Variants in CLEC16A observed in about 807,000 individuals in gnomAD.
CLEC16A encodes the protein protein CLEC16A.
In CLEC16A, 51 loss-of-function variants were observed where a neutral mutation model predicts 109.5. The observed-to-expected ratio is 0.47, with a 90% CI of 0.37 to 0.59. The LOEUF (loss-of-function observed/expected upper bound fraction) is 0.59. CLEC16A is among the 20% of genes least tolerant of loss of function. The pLI is 0.00. For missense variants in CLEC16A, 1,339 were observed against 1,394.0 expected (o/e 0.96, Z 0.63); for synonymous variants, 673 against 564.2 (o/e 1.19, Z -2.73).
intron 9 of CLEC16A, among the ~76,000 whole-genome samples, chr16:10,980,808 TA>T (rs1282287541): frequency 6.6e-6 from 1 of 152,184 alleles, no homozygotes; most frequent in Non-Finnish European, 1.5e-5. Flanking sequence ...AAATGTGACC[TA>T]AATGTGTGAA....
chr16:11,025,412 A>G (rs565826190), intron 13 of CLEC16A, among the ~76,000 whole-genome samples: 1 of 152,164 alleles, frequency 6.6e-6, no homozygotes, highest in Non-Finnish European at 1.5e-5. Context: ...GGCTTCCCCT[A>G]TTAAGGCTAC....
intron 19 of CLEC16A, among the ~76,000 whole-genome samples, chr16:11,075,060 C>T (rs905098204): frequency 5.9e-5 from 9 of 152,134 alleles, no homozygotes; most frequent in East Asian, 1.9e-4. Flanking sequence ...CACTGCACTC[C>T]GGCCTGGGCA....
rs143809742 is a variant in CLEC16A, at chr16:11,129,431, T to C, written c.2641+3285T>C. 5.0e-3 allele frequency among the ~76,000 whole-genome samples: 759 copies of C among 152,388 alleles called. 2 individuals are homozygous for C. The highest frequency in any genetic ancestry group is 0.01 in the Middle Eastern group (3 of 294). ...TAGAAGACATCTGGATTCTCCTCTT[T>C]GCTTCTGTTTTCTGTCTGTTGTGAT... is the stretch of plus-strand genomic sequence containing the variant. On this transcript the variant is annotated intron_variant, in intron 22 of 23. Transcript: ENST00000409790.
intron 19 of CLEC16A, among the ~76,000 whole-genome samples, chr16:11,077,246 G>A (rs1480299371): frequency 6.6e-6 from 1 of 152,026 alleles, no homozygotes; most frequent in Admixed American, 6.5e-5. Context: ...GAGGCGAGCG[G>A]ATTGCCTGAA....
At chr16:10,959,784 A>AT (rs966193896) in intron 2 of CLEC16A, among the ~76,000 whole-genome samples, 33 of 141,852 alleles carry the variant, frequency 2.3e-4, no homozygotes, top group African/African-American at 3.4e-4. Context: ...GAATGGACTT[A>AT]TTTTTTTTTT....
rs1455441936 is a variant in CLEC16A, at chr16:10,962,509, G to A, written c.264G>A (p.Lys88=). The A allele has an allele frequency of 6.2e-7, 1 of 1,613,842 alleles. No homozygotes were observed. The highest frequency in any genetic ancestry group is 1.3e-5 in the African/African-American group (1 of 74,912). ...TCTTCTTGAACATCTTGCGGCAAAA[G>A]TCGGGCCGTTACGTGTGCGTTCAGC... ...FVFFLNILRQ[K]SGRYVCVQLL... Residue 88 remains lysine (K), a synonymous_variant, in exon 3 of 24, where the codon AAG becomes AAA. Coordinates refer to ENST00000409790, the MANE Select transcript of CLEC16A (RefSeq NM_015226.3).
At chr16:11,120,012 C>A (rs2052286126) in intron 19 of CLEC16A, among the ~76,000 whole-genome samples, 1 of 151,860 alleles carries the variant, frequency 6.6e-6, no homozygotes, top group Admixed American at 6.6e-5. Flanking sequence ...CTCTTATTGC[C>A]CAGGTTGGAG....
intron 10 of CLEC16A, among the ~76,000 whole-genome samples, chr16:10,984,080 G>A (rs1434980129): frequency 6.6e-6 from 1 of 152,162 alleles, no homozygotes; most frequent in Admixed American, 6.5e-5. Context: ...GCAGCCAGGT[G>A]CTCAGGCAGT....
At chr16:11,126,334 C>A in intron 22 of CLEC16A, 188 bp downstream of exon 22, 1 of 1,483,684 alleles carries the variant, frequency 6.7e-7, no homozygotes, top group Non-Finnish European at 9.0e-7. Context: ...TAAATTTTGG[C>A]TTTCCCTTTA....
intron 2 of CLEC16A, among the ~76,000 whole-genome samples, chr16:10,959,713 T>A (rs1442704560): frequency 6.6e-6 from 1 of 151,556 alleles, no homozygotes; most frequent in Non-Finnish European, 1.5e-5. Flanking sequence ...TTTTTAAATA[T>A]CTTTTTGGAA....
chr16:11,021,163 G>C (rs187031435), intron 12 of CLEC16A, among the ~76,000 whole-genome samples: 3 of 152,324 alleles, frequency 2.0e-5, no homozygotes, highest in Admixed American at 6.5e-5. Flanking sequence ...CCAACTTCAA[G>C]TGAAGATGTG....
chr16:11,026,905 C>G (rs552529060), intron 13 of CLEC16A: 3 of 846,594 alleles, frequency 3.5e-6, no homozygotes, highest in African/African-American at 3.3e-5. Flanking sequence ...TAAGTGAACG[C>G]TGACTGGGTC....
intron 1 of CLEC16A, among the ~76,000 whole-genome samples, chr16:10,945,155 C>G (rs558852799): frequency 6.6e-6 from 1 of 152,176 alleles, no homozygotes; most frequent in African/African-American, 2.4e-5. Context: ...GGTCAAAGGC[C>G]TGGGTCCTGG....
intron 19 of CLEC16A, among the ~76,000 whole-genome samples, chr16:11,069,080 G>A (rs1266914533): frequency 6.7e-6 from 1 of 150,018 alleles, no homozygotes; most frequent in Non-Finnish European, 1.5e-5. Flanking sequence ...TAGTCCGCCT[G>A]CCTTGGTATC....
At chr16:11,036,110 G>A (rs2047001210) in intron 13 of CLEC16A, 1 of 152,464 alleles carries the variant, frequency 6.6e-6, no homozygotes, top group Non-Finnish European at 1.5e-5. Flanking sequence ...TGGGGTAAAG[G>A]GCCGGAAGCA....
intron 13 of CLEC16A, chr16:11,027,756 C>T: frequency 7.0e-7 from 1 of 1,437,930 alleles, no homozygotes; most frequent in East Asian, 2.3e-5. Flanking sequence ...CATCCGCCAG[C>T]TGAACTAGAC....
intron 19 of CLEC16A, among the ~76,000 whole-genome samples, chr16:11,109,269 A>G (rs2051421021): frequency 6.6e-6 from 1 of 151,604 alleles, no homozygotes; most frequent in Non-Finnish European, 1.5e-5. Flanking sequence ...GGCTCAAGCT[A>G]TCCTCCCACC....
chr16:11,082,728 C>T (rs1204790066), intron 19 of CLEC16A, among the ~76,000 whole-genome samples: 1 of 152,242 alleles, frequency 6.6e-6, no homozygotes, highest in Non-Finnish European at 1.5e-5. Context: ...CCTTTAAGGC[C>T]TAAGACTCAC....
chr16:11,082,156 TAAAA>T (rs1470269303), intron 19 of CLEC16A, among the ~76,000 whole-genome samples: 6 of 152,194 alleles, frequency 3.9e-5, no homozygotes, highest in Admixed American at 3.9e-4. Context: ...TGGCTCTTGT[TAAAA>T]AACAAACCCA....
Sources: gnomAD v4.1 joint callset for allele counts (sites outside exome capture counted in the v4.1 genomes callset) on GRCh38, gnomAD v4.1.1 for gene constraint, MANE v1.5 for transcripts, NCBI Gene and HGNC (gene_info 2026-07-23, HGNC 2026-07-21) for gene names.